The following BTBD16 variants were observed in gnomAD, a reference collection of about 807,000 sequenced individuals.
BTBD16 encodes the protein BTB/POZ domain-containing protein 16.
In BTBD16, 66 loss-of-function variants were observed where a neutral mutation model predicts 67.4. That is an observed-to-expected ratio of 0.98 (90% CI 0.80 to 1.20). The LOEUF (loss-of-function observed/expected upper bound fraction) is 1.20. BTBD16 is among the 50% of genes most tolerant of loss of function. The pLI is 0.00. For synonymous variants in BTBD16, 242 were observed against 236.4 expected, an observed-to-expected ratio of 1.02 and a Z score of -0.22; for missense variants, 634 against 616.0, an observed-to-expected ratio of 1.03 and a Z score of -0.31.
intron 10 of BTBD16, among the ~76,000 whole-genome samples, chr10:122,316,844 A>C (rs1392626290): frequency 6.6e-6 from 1 of 151,588 alleles, no homozygotes; most frequent in Non-Finnish European, 1.5e-5. Flanking sequence ...GCTGGAGTGC[A>C]ACGGCGCAAT....
chr10:122,311,802 CT>C lies in BTBD16; in HGVS notation c.911+4496del, dbSNP rs1590079201. Among the ~76,000 whole-genome samples, 4 of 152,238 alleles carry C rather than the reference CT, an allele frequency of 2.6e-5. No homozygotes were observed. In the East Asian group the frequency reaches 7.7e-4, roughly 29 times the overall value. ...AAGCCCCTTATCTCAGTACCTACTT[CT>C]TCCACCAAAAGTAAACAGTATCCTG... On this transcript the variant is annotated intron_variant, in intron 10 of 15. Coordinates refer to ENST00000260723, the MANE Select transcript of BTBD16 (RefSeq NM_144587.5).
Position 122,299,130 on chromosome 10 carries a change from C to G in BTBD16, c.787C>G (p.Pro263Ala), listed in dbSNP as rs768964595. Residue 263 changes from proline to alanine, a missense_variant, in exon 9 of 16, where the codon CCC (proline) becomes GCC (alanine). Pro to Ala is a conservative substitution (Grantham distance 27). Transcript: ENST00000260723. ...QDLLHKVLKS[P>A]RLFTFSEFHL... ...CCTGCTCCACAAAGTGCTGAAGTCC[C>G]CCAGGTCAGAGCTGGCTCCCAGGGT... 5 of 1,613,588 alleles carry G rather than the reference C, an allele frequency of 3.1e-6. No homozygotes were observed. In the Admixed American group the frequency reaches 5.0e-5, roughly 16 times the overall value.
At chr10:122,298,556 C>T (rs2096387850) in intron 8 of BTBD16, among the ~76,000 whole-genome samples, 1 of 152,154 alleles carries the variant, frequency 6.6e-6, no homozygotes. Flanking sequence ...CCTTCAATTC[C>T]TGCTTTTTGG....
Position 122,283,960 on chromosome 10 carries a change from T to C in BTBD16, c.241+36T>C, listed in dbSNP as rs765738981. The C allele has an allele frequency of 3.9e-6, 6 of 1,520,008 alleles. No individual in the cohort carries two copies. The Admixed American group carries it at 8.3e-5, about 21-fold the overall frequency. The allele number at this position is 1,520,008 out of a possible 1,614,324, so 94.2% of individuals were successfully genotyped here. Reference sequence around the variant, plus strand: ...GTTATCCATGGATTAAGCCAGAATGTTGCTGATTTCAGGGGCATCTTGTGG... The same window carrying C: ...GTTATCCATGGATTAAGCCAGAATGCTGCTGATTTCAGGGGCATCTTGTGG... On this transcript the variant is annotated intron_variant, in intron 4 of 15. Transcript: ENST00000260723.
intron 12 of BTBD16, chr10:122,332,184 C>A: frequency 2.2e-6 from 1 of 446,296 alleles, no homozygotes; most frequent in Non-Finnish European, 4.0e-6. Context: ...TTTTATTTCC[C>A]ATGTGAGACT....
chr10:122,284,461 A>T (rs1486630128), intron 4 of BTBD16, among the ~76,000 whole-genome samples: 1 of 147,442 alleles, frequency 6.8e-6, no homozygotes, highest in East Asian at 2.1e-4. Flanking sequence ...AAAAAAAAAA[A>T]GTAGTCTTTG....
rs2142093500 is a variant in BTBD16, at chr10:122,307,323, T to C, written c.911+15T>C. ...TTTTTTAAGAGGTAATATAACTTAG[T>C]GTTGATTGATGAAATACACAAATAC... On this transcript the variant is annotated intron_variant, in intron 10 of 15. Transcript: ENST00000260723. 1 of 1,588,174 alleles carries C rather than the reference T, an allele frequency of 6.3e-7. No homozygotes were observed. Among genetic ancestry groups the C allele is most frequent in the Non-Finnish European group, 8.5e-7 (1 of 1,169,960 alleles).
rs1214058636 is a variant in BTBD16 at position 122,334,813 on chromosome 10, C to T, written c.1165-68C>T. On this transcript the variant is annotated intron_variant, in intron 13 of 15. Coordinates refer to ENST00000260723, the MANE Select transcript of BTBD16 (RefSeq NM_144587.5). Reference sequence around the variant, plus strand: ...CTGGGATTACAGGTGTGAACCACCACGCCCGGGTGACTTTGAATACTAAAT... The same window carrying T: ...CTGGGATTACAGGTGTGAACCACCATGCCCGGGTGACTTTGAATACTAAAT... 91 of 987,372 alleles carry T rather than the reference C, an allele frequency of 9.2e-5. 1 individual carries two copies. The highest frequency in any genetic ancestry group is 4.2e-4 in the Middle Eastern group (2 of 4,770). 61.2% of individuals were successfully genotyped at this position (987,372 alleles called of 1,614,324 possible).
At chr10:122,336,775 C>A in intron 15 of BTBD16, 93 bp downstream of exon 15, 1 of 1,152,222 alleles carries the variant, frequency 8.7e-7, no homozygotes, top group Non-Finnish European at 1.2e-6. Flanking sequence ...CTCCAGTGCT[C>A]TACACTGAAG....
chr10:122,332,526 G>C lies in BTBD16; in HGVS notation c.1164+13G>C. On this transcript the variant is annotated intron_variant, in intron 13 of 15. Coordinates refer to ENST00000260723, the MANE Select transcript of BTBD16 (RefSeq NM_144587.5). ...GCTCTTTAACCAGGTACTGAGAACT[G>C]TACCCGAACAAGGGGAAGAACTGTT... 6.2e-7 allele frequency: 1 copy of C among 1,608,132 alleles called. No individual in the cohort carries two copies. The highest frequency in any genetic ancestry group is 8.5e-7 in the Non-Finnish European group (1 of 1,174,726).
rs1378496135 is a variant in BTBD16 at position 122,331,202 on chromosome 10, C to T, written c.1030C>T (p.Leu344Phe). The T allele has an allele frequency of 3.1e-6, 5 of 1,613,142 alleles. No individual in the cohort carries two copies. The South Asian group carries it at 3.3e-5, about 11-fold the overall frequency. ...KGKDLEVLRHLNFFPESWLDQ... is the reference protein window; with the variant it reads ...KGKDLEVLRHFNFFPESWLDQ... ...CAAGGATCTGGAGGTGCTGCGGCAC[C>T]TTAACTTCTTCCCAGAGTCATGGCT... The change falls in exon 12 of 16, where the codon CTT (leucine) becomes TTT (phenylalanine). Residue 344 changes from leucine to phenylalanine, a missense_variant. Transcript: ENST00000260723.
At position 122,276,868 on chromosome 10, in the gene BTBD16, C is replaced by A. The variant is rs2096341682; in HGVS notation, c.96C>A (p.Asp32Glu). The A allele has an allele frequency of 6.2e-7, 1 of 1,614,228 alleles. No homozygotes were observed. The highest frequency in any genetic ancestry group is 8.5e-7 in the Non-Finnish European group (1 of 1,180,044). ...TGCCCAAACAGCCTTTCTCTGGGGA[C>A]CTGCTCTCACTTTCCCAGATGTGCA... Reference protein sequence around the residue: ...WRLPKQPFSGDLLSLSQMCKA... With the variant: ...WRLPKQPFSGELLSLSQMCKA... The change falls in exon 3 of 16, where the codon GAC becomes GAA. Residue 32 changes from aspartate to glutamate, a missense_variant. Coordinates refer to ENST00000260723, the MANE Select transcript of BTBD16 (RefSeq NM_144587.5).
chr10:122,279,535 C>CACACACACACAT (rs1554886559), intron 3 of BTBD16, among the ~76,000 whole-genome samples: 20 of 151,790 alleles, frequency 1.3e-4, no homozygotes, highest in Middle Eastern at 3.2e-3. Context: ...CACACACACA[C>CACACACACACAT]ACACACACAC....
chr10:122,275,036 C>T lies in BTBD16; in HGVS notation c.-42-4C>T. 6.2e-7 allele frequency: 1 copy of T among 1,609,142 alleles called. No individual in the cohort carries two copies. The highest frequency in any genetic ancestry group is 8.5e-7 in the Non-Finnish European group (1 of 1,175,748). ...ATGTCACCTTTACCTCTTTTGTCTT[C>T]TAGGTTGCTTGTCTTTTCTCTCCTG... On this transcript the variant is annotated splice_region_variant and splice_polypyrimidine_tract_variant and intron_variant, in intron 1 of 15. Transcript: ENST00000260723.
chr10:122,295,317 AG>A (rs2096381187), intron 7 of BTBD16: 3 of 985,280 alleles, frequency 3.0e-6, no homozygotes, highest in Non-Finnish European at 3.6e-6. Context: ...GGGGAGAAAG[AG>A]GGGACAGGGT....
chr10:122,291,059 C>T (rs768601482), intron 6 of BTBD16, 21 bp from the exon 7 acceptor site: 24 of 1,602,656 alleles, frequency 1.5e-5, no homozygotes, highest in African/African-American at 6.7e-5. Context: ...ACAGATGGCT[C>T]GCTTGGCTGT....
chr10:122,305,436 A>C (rs752534378), intron 9 of BTBD16, among the ~76,000 whole-genome samples: 3 of 152,110 alleles, frequency 2.0e-5, no homozygotes, highest in Non-Finnish European at 2.9e-5. Context: ...ATAGTGAGTG[A>C]GTTCCCTTGA....
chr10:122,306,277 G>A (rs2096403538), intron 9 of BTBD16, among the ~76,000 whole-genome samples: 2 of 152,222 alleles, frequency 1.3e-5, no homozygotes, highest in Admixed American at 6.5e-5. Flanking sequence ...AAGGAACACA[G>A]CTCTGCTGAC....
Position 122,305,197 on chromosome 10 carries a change from G to T in BTBD16, c.792-1992G>T, listed in dbSNP as rs368349987. 4.6e-5 allele frequency among the ~76,000 whole-genome samples: 7 copies of T among 152,288 alleles called. No homozygotes were observed. In the East Asian group the frequency reaches 1.2e-3, roughly 25 times the overall value. ...TTTAGGTTCAGGGGTACATGTGCAGGTTGTACATGAGTAAATTGCATGTCA... is the reference window on the plus strand; with the variant it reads ...TTTAGGTTCAGGGGTACATGTGCAGTTTGTACATGAGTAAATTGCATGTCA... On this transcript the variant is annotated intron_variant, in intron 9 of 15. Coordinates refer to ENST00000260723, the MANE Select transcript of BTBD16 (RefSeq NM_144587.5).
Sources: gnomAD v4.1 joint callset for allele counts (sites outside exome capture counted in the v4.1 genomes callset) on GRCh38, gnomAD v4.1.1 for gene constraint, MANE v1.5 for transcripts, NCBI Gene and HGNC (gene_info 2026-07-23, HGNC 2026-07-21) for gene names.